Variants in AGMO observed in about 807,000 individuals in gnomAD.
The protein encoded by AGMO is glyceryl-ether monooxygenase.
In AGMO, 75 loss-of-function variants were observed where a neutral mutation model predicts 60.2. The ratio of observed to expected loss-of-function variants is 1.25; its 90% CI spans 1.03 to 1.51. The LOEUF (loss-of-function observed/expected upper bound fraction) is 1.51, where lower values mean the gene tolerates loss of function less well. Among genes scored for constraint, AGMO ranks in the 40% most tolerant of loss-of-function variants. The pLI, the probability that AGMO is intolerant of heterozygous loss-of-function variation, is 0.00. For synonymous variants in AGMO, 261 were observed against 177.1 expected (o/e 1.47, Z -3.76); for missense variants, 763 against 525.5 (o/e 1.45, Z -4.42).
chr7:15,479,810 C>T (rs576846835), intron 3 of AGMO, among the ~76,000 whole-genome samples: 12 of 152,090 alleles, frequency 7.9e-5, no homozygotes, highest in Admixed American at 3.3e-4. Context: ...AGGAGACAGG[C>T]ATATAAATAG....
chr7:15,168,932 T>C, the AGMO span, among the ~76,000 whole-genome samples: 1 of 152,306 alleles, frequency 6.6e-6, no homozygotes, highest in Non-Finnish European at 1.5e-5. Flanking sequence ...TGGAAGTCAT[T>C]TAGAATGAAC....
Position 15,477,953 on chromosome 7 carries a change from C to T in AGMO, c.410-46845G>A, listed in dbSNP as rs561758083. Among the ~76,000 whole-genome samples, 4 of 152,210 alleles carry T rather than the reference C, an allele frequency of 2.6e-5. No individual in the cohort carries two copies. In the South Asian group the frequency reaches 8.3e-4, roughly 32 times the overall value. The stretch of plus-strand genomic sequence containing the variant: ...GTTGAATTTTGGGTCACATGGAAAG[C>T]AACACTTTTCTTACTTGTAGAGAAT... On this transcript the variant is annotated intron_variant, in intron 3 of 12. Coordinates refer to ENST00000342526, the MANE Select transcript of AGMO (RefSeq NM_001004320.2).
downstream of AGMO, among the ~76,000 whole-genome samples, chr7:15,196,608 T>C (rs565092684): frequency 2.0e-5 from 3 of 152,200 alleles, no homozygotes; most frequent in African/African-American, 4.8e-5. Context: ...TTGAAAAATA[T>C]AGAACCTTTG....
chr7:15,534,499 G>C (rs748857801), intron 3 of AGMO, among the ~76,000 whole-genome samples: 4 of 151,806 alleles, frequency 2.6e-5, no homozygotes, highest in Non-Finnish European at 4.4e-5. Context: ...ATTCATCTAG[G>C]AAGAGATCAT....
chr7:15,362,911 C>T (rs76044701), intron 12 of AGMO, among the ~76,000 whole-genome samples: 5,988 of 152,246 alleles, frequency 0.039, 138 homozygotes, highest in South Asian at 0.057. Flanking sequence ...GTACCTTGAT[C>T]ATTAAGAGTT....
rs539630659 is a variant in AGMO at position 15,477,576 on chromosome 7, C to T, written c.410-46468G>A. 1.2e-3 allele frequency among the ~76,000 whole-genome samples: 190 copies of T among 152,174 alleles called. 6 individuals carry two copies. The South Asian group carries it at 0.034, about 27-fold the overall frequency. On this transcript the variant is annotated intron_variant, in intron 3 of 12. Coordinates refer to ENST00000342526, the MANE Select transcript of AGMO (RefSeq NM_001004320.2). ...TGAAAAATTCGGCAATTCTTGTGGG[C>T]TACCAAATATTTCTGTGCAGCTTGT... is the stretch of plus-strand genomic sequence containing the variant.
At chr7:15,249,924 T>A (rs1466296545) in intron 12 of AGMO, among the ~76,000 whole-genome samples, 1 of 152,180 alleles carries the variant, frequency 6.6e-6, no homozygotes, top group Non-Finnish European at 1.5e-5. Flanking sequence ...GAAAAATGTC[T>A]AAAGAAAGGT....
chr7:15,256,531 G>A (rs1026073338), intron 12 of AGMO, among the ~76,000 whole-genome samples: 1 of 151,916 alleles, frequency 6.6e-6, no homozygotes, highest in Admixed American at 6.6e-5. Flanking sequence ...GTAATTTTTT[G>A]TGTGTGTATT....
At chr7:15,283,812 T>TA (rs1784031067) in intron 12 of AGMO, among the ~76,000 whole-genome samples, 1 of 151,818 alleles carries the variant, frequency 6.6e-6, no homozygotes, top group African/African-American at 2.4e-5. Context: ...GTCTCCAAGA[T>TA]AGACCATATG....
chr7:15,371,636 G>C (rs1322530053), intron 10 of AGMO, among the ~76,000 whole-genome samples: 1 of 152,094 alleles, frequency 6.6e-6, no homozygotes, highest in Non-Finnish European at 1.5e-5. Context: ...GACCTCAGGT[G>C]ATCTGCCTGC....
At chr7:15,316,002 A>G (rs966015219) in intron 12 of AGMO, among the ~76,000 whole-genome samples, 7 of 152,100 alleles carry the variant, frequency 4.6e-5, no homozygotes, top group Admixed American at 1.3e-4. Flanking sequence ...CTTTTGAGAG[A>G]TATTATTAGA....
the AGMO span, among the ~76,000 whole-genome samples, chr7:15,165,508 T>G: frequency 6.6e-6 from 1 of 152,130 alleles, no homozygotes; most frequent in Non-Finnish European, 1.5e-5. Context: ...CCTAAAACAA[T>G]AAGCCTTATG....
At chr7:15,406,634 TGA>T (rs1784703788) in intron 5 of AGMO, among the ~76,000 whole-genome samples, 1 of 58,250 alleles carries the variant, frequency 1.7e-5, no homozygotes, top group Non-Finnish European at 3.0e-5. Flanking sequence ...TGTATATATA[TGA>T]ATATACATAT....
At chr7:15,389,492 G>A (rs1320072802) in intron 8 of AGMO, among the ~76,000 whole-genome samples, 2 of 152,126 alleles carry the variant, frequency 1.3e-5, no homozygotes, top group African/African-American at 4.8e-5. Context: ...TACAGACACA[G>A]ATAGAAATGC....
At chr7:15,192,990 T>A in the AGMO span, among the ~76,000 whole-genome samples, 1 of 152,256 alleles carries the variant, frequency 6.6e-6, no homozygotes, top group African/African-American at 2.4e-5. Context: ...TCAGTTTTCT[T>A]AGTCACTTCT....
At chr7:15,199,538 G>A (rs73054518), downstream of AGMO, among the ~76,000 whole-genome samples, 1 of 152,098 alleles carries the variant, frequency 6.6e-6, no homozygotes, top group Non-Finnish European at 1.5e-5. Context: ...ACTATGTAAA[G>A]ATTAGCAAAA....
intron 12 of AGMO, among the ~76,000 whole-genome samples, chr7:15,265,397 A>G (rs1026207861): frequency 2.0e-5 from 3 of 152,014 alleles, no homozygotes; most frequent in Admixed American, 6.6e-5. Flanking sequence ...CACGCAGTAT[A>G]CCCATGTAAC....
chr7:15,207,905 G>T (rs148055114), intron 12 of AGMO, among the ~76,000 whole-genome samples: 1 of 152,304 alleles, frequency 6.6e-6, no homozygotes, highest in African/African-American at 2.4e-5. Context: ...CTGCACTCCA[G>T]CCTGGGTGAC....
At chr7:15,396,706 A>G (rs190920738) in intron 5 of AGMO, 1 of 149,794 alleles carries the variant, frequency 6.7e-6, no homozygotes, top group East Asian at 2.0e-4. Context: ...GGTCCACTTT[A>G]CAGAGAGCTG....
Sources: gnomAD v4.1 joint callset for allele counts (sites outside exome capture counted in the v4.1 genomes callset) on GRCh38, gnomAD v4.1.1 for gene constraint, MANE v1.5 for transcripts, NCBI Gene and HGNC (gene_info 2026-07-23, HGNC 2026-07-21) for gene names.